The following MOB3B variants were observed in gnomAD, a reference collection of about 807,000 sequenced individuals.
The protein encoded by MOB3B is MOB kinase activator-like 2B.
A neutral mutation model predicts 18.7 loss-of-function variants in MOB3B; 7 were observed. The ratio of observed to expected loss-of-function variants is 0.37; its 90% CI spans 0.21 to 0.70. MOB3B has a LOEUF of 0.70. Ranked by LOEUF, MOB3B falls within the 30% of genes least tolerant of loss-of-function variation. The pLI is 0.52. For missense variants in MOB3B, 253 were observed against 281.3 expected (o/e 0.90, Z 0.72); for synonymous variants, 111 against 99.9 (o/e 1.11, Z -0.66).
At chr9:27,344,611 A>G (rs1821004188) in intron 3 of MOB3B, among the ~76,000 whole-genome samples, 1 of 152,088 alleles carries the variant, frequency 6.6e-6, no homozygotes, top group African/African-American at 2.4e-5. Flanking sequence ...GGAAACCACA[A>G]TAGAAACCTT....
At position 27,434,180 on chromosome 9, in the gene MOB3B, T is replaced by G. The variant is rs145139360; in HGVS notation, c.418+20953A>C. 3.9e-3 allele frequency among the ~76,000 whole-genome samples: 593 copies of G among 152,302 alleles called. 4 individuals carry two copies. Among genetic ancestry groups the G allele is most frequent in the African/African-American group, 0.014 (571 of 41,566 alleles). ...AGAATACCCCTCGGAGGACAAATGC[T>G]GCCTTACAAGTGTTTTTGCTCATCT... On this transcript the variant is annotated intron_variant, in intron 2 of 3. Transcript: ENST00000262244.
chr9:27,422,539 GA>G (rs1376601669), intron 2 of MOB3B, among the ~76,000 whole-genome samples: 1 of 152,210 alleles, frequency 6.6e-6, no homozygotes, highest in Non-Finnish European at 1.5e-5. Flanking sequence ...CAAGATAGCT[GA>G]AGACAGATTT....
chr9:27,522,839 T>C (rs1028970985), intron 1 of MOB3B, among the ~76,000 whole-genome samples: 3 of 152,072 alleles, frequency 2.0e-5, no homozygotes, highest in Non-Finnish European at 2.9e-5. Context: ...GTTTTCTTAA[T>C]GTTTTCCAAA....
chr9:27,385,232 A>G (rs1013252962), intron 2 of MOB3B, among the ~76,000 whole-genome samples: 6 of 152,160 alleles, frequency 3.9e-5, no homozygotes, highest in African/African-American at 1.4e-4. Flanking sequence ...ATATTCACGT[A>G]ACTTTTTTTT....
At chr9:27,503,045 TGA>T (rs2131496099) in intron 1 of MOB3B, among the ~76,000 whole-genome samples, 1 of 152,238 alleles carries the variant, frequency 6.6e-6, no homozygotes, top group East Asian at 1.9e-4. Flanking sequence ...GTTCAGAGAA[TGA>T]GAGATGCTGA....
At chr9:27,429,454 C>T (rs897875538) in intron 2 of MOB3B, among the ~76,000 whole-genome samples, 3 of 152,130 alleles carry the variant, frequency 2.0e-5, no homozygotes, top group African/African-American at 7.2e-5. Context: ...CAAAACCATC[C>T]TAAAAATATT....
In MOB3B at chr9:27,330,341, C is replaced by A. The variant is rs1304906876; in HGVS notation, c.*246G>T. ...CTCGTGGACAATTCCCCAGCCAGAA[C>A]GGTCAAGGGGCTGGTCCTTCTTTCA... On this transcript the variant is annotated 3_prime_UTR_variant, in exon 4 of 4. Transcript: ENST00000262244. 2 of 443,000 alleles carry A rather than the reference C, an allele frequency of 4.5e-6. No homozygotes were observed. The highest frequency in any genetic ancestry group is 4.0e-5 in the South Asian group (1 of 25,088). 27.4% of individuals were successfully genotyped at this position (443,000 alleles called of 1,614,324 possible). A position where few individuals can be genotyped will look rare whatever the true frequency, so the allele number is the denominator to read the frequency against.
chr9:27,330,548 G>T lies in MOB3B; in HGVS notation c.*39C>A. ...TCCTGCCCGCTCAGGGCACCAGGAG[G>T]AAACAGCTTTCCTTTCTTCCAAAGG... is the stretch of plus-strand genomic sequence containing the variant. On this transcript the variant is annotated 3_prime_UTR_variant, in exon 4 of 4. Transcript: ENST00000262244. 6.2e-7 allele frequency: 1 copy of T among 1,613,592 alleles called. No individual in the cohort carries two copies.
intron 3 of MOB3B, among the ~76,000 whole-genome samples, chr9:27,336,576 G>A (rs1309838004): frequency 6.6e-6 from 1 of 152,116 alleles, no homozygotes; most frequent in Non-Finnish European, 1.5e-5. Flanking sequence ...CCTGCCCCTA[G>A]TAACCACCAT....
At chr9:27,442,020 T>C (rs1822602029) in intron 2 of MOB3B, among the ~76,000 whole-genome samples, 1 of 152,196 alleles carries the variant, frequency 6.6e-6, no homozygotes, top group African/African-American at 2.4e-5. Flanking sequence ...TTAAAGAGAT[T>C]TGTGAAGAGT....
intron 2 of MOB3B, among the ~76,000 whole-genome samples, chr9:27,389,307 G>A (rs1257915147): frequency 6.7e-6 from 1 of 149,114 alleles, no homozygotes; most frequent in Non-Finnish European, 1.5e-5. Flanking sequence ...TTGAGGCTGA[G>A]AACCACTGCT....
chr9:27,455,062 G>T, intron 2 of MOB3B, 71 bp downstream of exon 2: 1 of 1,541,744 alleles, frequency 6.5e-7, no homozygotes, highest in Non-Finnish European at 8.9e-7. Flanking sequence ...AGCATTCAAA[G>T]GCAGTCTGCA....
In MOB3B at chr9:27,329,006, C is replaced by G. The variant is rs1280593077; in HGVS notation, c.*1581G>C. Reference sequence around the variant, plus strand: ...GGTTCAGGCTGCTTGGTTAGGTCAACAGAGAATGCCACTGTACCCACAGAG... The same window carrying G: ...GGTTCAGGCTGCTTGGTTAGGTCAAGAGAGAATGCCACTGTACCCACAGAG... On this transcript the variant is annotated 3_prime_UTR_variant, in exon 4 of 4. Transcript: ENST00000262244. 6.6e-6 allele frequency: 1 copy of G among 152,490 alleles called. No individual in the cohort carries two copies. The highest frequency in any genetic ancestry group is 2.4e-5 in the African/African-American group (1 of 41,432). 9.4% of individuals were successfully genotyped at this position (152,490 alleles called of 1,614,324 possible).
intron 2 of MOB3B, chr9:27,378,293 G>A (rs745772118): frequency 4.3e-6 from 2 of 463,184 alleles, no homozygotes; most frequent in African/African-American, 2.0e-5. Flanking sequence ...GCTGGGGAGG[G>A]AATGAGGTCA....
At chr9:27,430,548 T>C (rs983799485) in intron 2 of MOB3B, among the ~76,000 whole-genome samples, 10 of 152,166 alleles carry the variant, frequency 6.6e-5, no homozygotes, top group Admixed American at 3.9e-4. Flanking sequence ...TTCTAAGTCT[T>C]TTTTTTGTTT....
chr9:27,393,237 C>T (rs141205046), intron 2 of MOB3B, among the ~76,000 whole-genome samples: 137 of 152,196 alleles, frequency 9.0e-4, no homozygotes, highest in African/African-American at 3.2e-3. Context: ...TCTGTTACGC[C>T]TATTTATGAA....
At chr9:27,461,320 C>G (rs767141258) in intron 1 of MOB3B, among the ~76,000 whole-genome samples, 23 of 152,196 alleles carry the variant, frequency 1.5e-4, no homozygotes, top group Non-Finnish European at 2.5e-4. Context: ...ATTCCATCAG[C>G]CCTTATGCAC....
At chr9:27,426,149 C>T (rs1188069793) in intron 2 of MOB3B, among the ~76,000 whole-genome samples, 1 of 152,132 alleles carries the variant, frequency 6.6e-6, no homozygotes, top group East Asian at 1.9e-4. Context: ...TATGAGGACA[C>T]AGAGACTTAG....
chr9:27,468,037 G>A (rs77849262), intron 1 of MOB3B, among the ~76,000 whole-genome samples: 1 of 152,200 alleles, frequency 6.6e-6, no homozygotes, highest in East Asian at 1.9e-4. Flanking sequence ...AAAGTTAGCT[G>A]TTTTTGTTAG....
Sources: allele counts gnomAD v4.1 joint callset (sites outside exome capture counted in the v4.1 genomes callset), GRCh38; gene constraint gnomAD v4.1.1; transcripts MANE v1.5; gene names NCBI Gene and HGNC (gene_info 2026-07-23, HGNC 2026-07-21).